EWSR1: variants seen among roughly 807,000 people sequenced by gnomAD.
The protein encoded by EWSR1 is RNA-binding protein EWS.
In EWSR1, 14 loss-of-function variants were observed where a neutral mutation model predicts 92.1. The observed-to-expected ratio is 0.15, with a 90% CI of 0.10 to 0.24. The LOEUF (loss-of-function observed/expected upper bound fraction) is 0.24, where lower values mean the gene tolerates loss of function less well. Among genes scored for constraint, EWSR1 ranks in the 10% least tolerant of loss-of-function variants. EWSR1 has a pLI of 1.00. For synonymous variants in EWSR1, 303 were observed against 292.9 expected, an observed-to-expected ratio of 1.03 and a Z score of -0.35; for missense variants, 637 against 870.9, an observed-to-expected ratio of 0.73 and a Z score of 3.38.
At chr22:29,281,778 G>A (rs1034047113) in intron 5 of EWSR1, among the ~76,000 whole-genome samples, 13 of 151,790 alleles carry the variant, frequency 8.6e-5, no homozygotes, top group Admixed American at 8.5e-4. Context: ...GTAGAGACAG[G>A]GTTTCACTGT....
chr22:29,273,636 T>C, intron 3 of EWSR1, 105 bp from the exon 4 acceptor site: 4 of 1,312,372 alleles, frequency 3.0e-6, no homozygotes, highest in Non-Finnish European at 4.2e-6. Flanking sequence ...TTTAATCTTC[T>C]AGAAAGGAAT....
chr22:29,274,160 A>G (rs1013919589), intron 4 of EWSR1: 34 of 1,223,008 alleles, frequency 2.8e-5, no homozygotes, highest in Non-Finnish European at 4.0e-5. Context: ...ATACTGAGTA[A>G]GAATGAGTCT....
rs761544613 is a variant in EWSR1 at position 29,299,679 on chromosome 22, A to G, written c.1759A>G (p.Met587Val). The change falls in exon 16 of 17, where the codon ATG (methionine) becomes GTG (valine). Residue 587 changes from methionine (M) to valine (V), a missense_variant. Transcript: ENST00000397938. The part of the protein sequence containing the change: ...GLMDRGGPGG[M>V]FRGGRGGDRG... ...CATGGATCGTGGTGGTCCCGGTGGA[A>G]TGTTCAGAGGTGGCCGTGGTGGAGA... 3 of 1,612,044 alleles carry G rather than the reference A, an allele frequency of 1.9e-6. No individual in the cohort carries two copies. In the South Asian group the frequency reaches 3.3e-5, roughly 18 times the overall value.
intron 1 of EWSR1, among the ~76,000 whole-genome samples, chr22:29,268,554 G>A (rs948548306): frequency 3.3e-5 from 5 of 152,204 alleles, no homozygotes; most frequent in Non-Finnish European, 7.4e-5. Context: ...TCCGGCGCCC[G>A]TGGCGCGCGG....
chr22:29,295,024 T>A (rs927869911), intron 11 of EWSR1, among the ~76,000 whole-genome samples: 10 of 152,096 alleles, frequency 6.6e-5, no homozygotes, highest in African/African-American at 2.2e-4. Flanking sequence ...AGTAAAATGC[T>A]TTTAGTGTCT....
intron 4 of EWSR1, among the ~76,000 whole-genome samples, chr22:29,275,150 T>C (rs150942710): frequency 1.3e-5 from 2 of 152,340 alleles, no homozygotes; most frequent in African/African-American, 4.8e-5. Context: ...TGGGAAGAGC[T>C]GGAACTAAGG....
chr22:29,269,983 T>G (rs1467200028), intron 1 of EWSR1, among the ~76,000 whole-genome samples: 1 of 152,224 alleles, frequency 6.6e-6, no homozygotes, highest in Non-Finnish European at 1.5e-5. Context: ...TGGGGGGGCC[T>G]TCAGAGAGTC....
intron 11 of EWSR1, among the ~76,000 whole-genome samples, chr22:29,294,227 C>A (rs1328256941): frequency 6.6e-6 from 1 of 152,128 alleles, no homozygotes; most frequent in African/African-American, 2.4e-5. Flanking sequence ...ACTAGTTTTA[C>A]TTCTAGGTTT....
rs539480242 is a variant in EWSR1, at chr22:29,272,322, T to G, written c.51-58T>G. ...TTTTGAATATGGAGCCTTCTATAAT[T>G]GTAGAGGTGGTATTTGAATGTTCTC... On this transcript the variant is annotated intron_variant, in intron 2 of 16. Transcript: ENST00000397938. 28 of 1,611,228 alleles carry G rather than the reference T, an allele frequency of 1.7e-5. 1 individual carries two copies. In the South Asian group the frequency reaches 2.9e-4, roughly 16 times the overall value.
chr22:29,275,140 T>A (rs1322455635), intron 4 of EWSR1, among the ~76,000 whole-genome samples: 1 of 152,224 alleles, frequency 6.6e-6, no homozygotes, highest in African/African-American at 2.4e-5. Flanking sequence ...ATTGCAGCTG[T>A]GGGAAGAGCT....
At chr22:29,296,518 C>T (rs951015765) in intron 12 of EWSR1, 150 bp downstream of exon 12, 4 of 793,592 alleles carry the variant, frequency 5.0e-6, no homozygotes, top group Non-Finnish European at 7.8e-6. Context: ...TAGCACCCAG[C>T]CATTGACCCT....
At chr22:29,292,418 A>G in intron 10 of EWSR1, 70 bp from the exon 11 acceptor site, 1 of 1,027,546 alleles carries the variant, frequency 9.7e-7, no homozygotes, top group Non-Finnish European at 1.5e-6. Context: ...CTTGGGCAGT[A>G]GTGATCAGGT....
At chr22:29,299,193 A>G in intron 14 of EWSR1, 41 bp from the exon 15 acceptor site, 1 of 1,613,818 alleles carries the variant, frequency 6.2e-7, no homozygotes, top group African/African-American at 1.3e-5. Flanking sequence ...TATCTTCCTT[A>G]GTTCAATTGG....
In EWSR1 at chr22:29,273,022, A is replaced by G. The variant is rs566536414; in HGVS notation, c.102+591A>G. Among the ~76,000 whole-genome samples the G allele has an allele frequency of 1.2e-4, 19 of 152,364 alleles. No individual in the cohort carries two copies. In the East Asian group the frequency reaches 3.5e-3, roughly 28 times the overall value. On this transcript the variant is annotated intron_variant, in intron 3 of 16. Transcript: ENST00000397938. The stretch of plus-strand genomic sequence containing the variant: ...AATAACTGCCATGGAAACATGTTCT[A>G]GGACAAGCAGAATGTGATGTCTCTG...
intron 4 of EWSR1, chr22:29,276,279 A>G: frequency 4.3e-6 from 1 of 230,310 alleles, no homozygotes; most frequent in Non-Finnish European, 8.6e-6. Flanking sequence ...GGACTCTGCA[A>G]AAACTTAAGC....
chr22:29,292,014 C>T lies in EWSR1; in HGVS notation c.1013-123C>T, dbSNP rs1009682178. On this transcript the variant is annotated intron_variant, in intron 9 of 16. Coordinates refer to ENST00000397938, the MANE Select transcript of EWSR1 (RefSeq NM_005243.4). ...ACTGCTCCATTTTAGCAGTGCGGGT[C>T]ATTTTGAGTTTAATGAATCCCCATC... is the stretch of plus-strand genomic sequence containing the variant. The T allele has an allele frequency of 6.9e-6, 6 of 866,704 alleles. No homozygotes were observed. The Admixed American group carries it at 1.1e-4, about 15-fold the overall frequency. 53.7% of individuals were successfully genotyped at this position (866,704 alleles called of 1,614,324 possible).
In EWSR1 at chr22:29,300,272, T is replaced by G. The variant is rs946988143; in HGVS notation, c.*111T>G. 3 of 1,042,956 alleles carry G rather than the reference T, an allele frequency of 2.9e-6. No homozygotes were observed. The highest frequency in any genetic ancestry group is 4.3e-6 in the Non-Finnish European group (3 of 693,392). 64.6% of individuals were successfully genotyped at this position (1,042,956 alleles called of 1,614,324 possible). On this transcript the variant is annotated 3_prime_UTR_variant, in exon 17 of 17. Coordinates refer to ENST00000397938, the MANE Select transcript of EWSR1 (RefSeq NM_005243.4). ...AATGTTGGCCACAACATTATGATTA[T>G]TCCTTGTCTGTACTTTAGTATTTTT...
chr22:29,292,630 A>C, intron 11 of EWSR1, 24 bp downstream of exon 11: 151 of 1,465,444 alleles, frequency 1.0e-4, no homozygotes, highest in Non-Finnish European at 1.3e-4. Context: ...TAACCAGGTC[A>C]TCTGGCAGAA....
rs562200272 is a variant in EWSR1 at position 29,300,343 on chromosome 22, G to A, written c.*182G>A. 3.1e-5 allele frequency: 19 copies of A among 606,314 alleles called. No homozygotes were observed. Among genetic ancestry groups the A allele is most frequent in the East Asian group, 1.2e-4 (4 of 32,288 alleles). 37.6% of individuals were successfully genotyped at this position (606,314 alleles called of 1,614,324 possible). A position where few individuals can be genotyped will look rare whatever the true frequency, so the allele number is the denominator to read the frequency against. The stretch of plus-strand genomic sequence containing the variant: ...TAAAACAAGTTAAATGGTAGTGTGC[G>A]GAGTTTTTTTTTCTTCCTTCTTTTA... On this transcript the variant is annotated 3_prime_UTR_variant, in exon 17 of 17. Transcript: ENST00000397938.
Sources: allele counts gnomAD v4.1 joint callset (sites outside exome capture counted in the v4.1 genomes callset), GRCh38; gene constraint gnomAD v4.1.1; transcripts MANE v1.5; gene names NCBI Gene and HGNC (gene_info 2026-07-23, HGNC 2026-07-21).